EFCAB6: variants seen among roughly 807,000 people sequenced by gnomAD.
EFCAB6 encodes EF-hand calcium-binding domain-containing protein 6.
A neutral mutation model predicts 169.8 loss-of-function variants in EFCAB6; 156 were observed. The observed-to-expected ratio is 0.92, with a 90% CI of 0.81 to 1.05. The LOEUF (loss-of-function observed/expected upper bound fraction) is 1.05, where lower values mean the gene tolerates loss of function less well. Ranked by LOEUF, EFCAB6 falls within the 50% of genes least tolerant of loss-of-function variation. The probability of loss-of-function intolerance (pLI) is 0.00; values close to 1 mark genes in which losing one functional copy is unlikely to be tolerated. For missense variants in EFCAB6, 1,800 were observed against 1,829.1 expected (o/e 0.98, Z 0.29); for synonymous variants, 698 against 676.4 (o/e 1.03, Z -0.50).
chr22:43,538,376 G>A (rs958771663), intron 28 of EFCAB6, among the ~76,000 whole-genome samples: 3 of 152,088 alleles, frequency 2.0e-5, no homozygotes, highest in Middle Eastern at 3.4e-3. Context: ...CATCCAGAGT[G>A]TTTTTTGTTT....
intron 8 of EFCAB6, among the ~76,000 whole-genome samples, chr22:43,730,243 GAAGGAGGGAAGGAGGA>G: frequency 1.1e-5 from 1 of 94,372 alleles, no homozygotes; most frequent in South Asian, 4.6e-4. Context: ...GGGAAGGATG[GAAGGAGGGAAGGAGGA>G]AAGGGAGCGA....
At chr22:43,778,084 A>G (rs559127146) in intron 3 of EFCAB6, among the ~76,000 whole-genome samples, 1 of 152,240 alleles carries the variant, frequency 6.6e-6, no homozygotes, top group African/African-American at 2.4e-5. Context: ...ACAATTCAGG[A>G]AAGGACAAGC....
At chr22:43,607,988 G>A (rs559077310) in intron 22 of EFCAB6, among the ~76,000 whole-genome samples, 7 of 152,226 alleles carry the variant, frequency 4.6e-5, no homozygotes, top group South Asian at 4.2e-4. Flanking sequence ...AGAGACCCTC[G>A]GGAAGCTACT....
chr22:43,773,370 G>A (rs2061539894), intron 3 of EFCAB6, among the ~76,000 whole-genome samples: 2 of 152,184 alleles, frequency 1.3e-5, no homozygotes, highest in African/African-American at 4.8e-5. Context: ...ACATAGGTCA[G>A]TACAAGTGAA....
At chr22:43,645,458 C>T (rs980208286) in intron 17 of EFCAB6, among the ~76,000 whole-genome samples, 1 of 152,204 alleles carries the variant, frequency 6.6e-6, no homozygotes, top group Non-Finnish European at 1.5e-5. Context: ...TGGACCACTA[C>T]TGTGTGTTGC....
intron 23 of EFCAB6, among the ~76,000 whole-genome samples, chr22:43,591,459 A>T (rs899138478): frequency 9.0e-5 from 10 of 110,768 alleles, no homozygotes; most frequent in African/African-American, 1.9e-4. Context: ...TCTGTCTTAT[A>T]AAAAAAAAAA....
chr22:43,584,073 A>C (rs935399982), intron 24 of EFCAB6, among the ~76,000 whole-genome samples: 1 of 152,230 alleles, frequency 6.6e-6, no homozygotes, highest in Admixed American at 6.5e-5. Context: ...TTCAAGTTTT[A>C]GAATCAACCT....
At position 43,591,115 on chromosome 22, in the gene EFCAB6, T is replaced by G. The variant is rs545929099; in HGVS notation, c.2877-886A>C. Among the ~76,000 whole-genome samples, 1,288 of 130,324 alleles carry G rather than the reference T, an allele frequency of 9.9e-3. 10 individuals carry two copies. Among genetic ancestry groups the G allele is most frequent in the Middle Eastern group, 0.025 (6 of 236 alleles). The allele number at this position is 130,324 out of a possible 152,430, so 85.5% of individuals were successfully genotyped here. The stretch of plus-strand genomic sequence containing the variant: ...TGTTGTTGTTTTTTGTTTTTTGTTT[T>G]TTTTTTTTGTTTTTTTTTTGTTTTT... On this transcript the variant is annotated intron_variant, in intron 23 of 31. Transcript: ENST00000262726.
At chr22:43,608,243 A>T (rs1003833387) in intron 22 of EFCAB6, among the ~76,000 whole-genome samples, 1 of 152,158 alleles carries the variant, frequency 6.6e-6, no homozygotes, top group Admixed American at 6.5e-5. Flanking sequence ...TCTGGTATGG[A>T]TGAGCATTTA....
intron 9 of EFCAB6, 60 bp from the exon 10 acceptor site, chr22:43,711,683 A>G: frequency 6.5e-7 from 1 of 1,543,846 alleles, no homozygotes; most frequent in Non-Finnish European, 8.6e-7. Context: ...GGAGCTATTC[A>G]ACCATTTTAT....
chr22:43,742,878 TC>T (rs965555794), intron 6 of EFCAB6, among the ~76,000 whole-genome samples: 3 of 152,294 alleles, frequency 2.0e-5, no homozygotes, highest in Admixed American at 6.5e-5. Context: ...TGCTTGGACC[TC>T]GGCATGATGG....
At chr22:43,773,242 G>A (rs1189261994) in intron 3 of EFCAB6, 139 bp from the exon 4 acceptor site, 10 of 794,788 alleles carry the variant, frequency 1.3e-5, no homozygotes, top group Admixed American at 5.7e-5. Flanking sequence ...GTGTATCACC[G>A]TTAGATGACT....
intron 22 of EFCAB6, among the ~76,000 whole-genome samples, chr22:43,601,038 AAAG>A (rs2052483724): frequency 6.6e-6 from 1 of 152,248 alleles, no homozygotes; most frequent in East Asian, 1.9e-4. Context: ...AATTCTTCAA[AAAG>A]CATATTCAAT....
chr22:43,583,797 T>G (rs901883265), intron 24 of EFCAB6, among the ~76,000 whole-genome samples: 1 of 152,208 alleles, frequency 6.6e-6, no homozygotes, highest in Admixed American at 6.5e-5. Context: ...ACCTCAATTC[T>G]GAACTTCCTA....
chr22:43,594,053 A>T (rs2147450822), intron 23 of EFCAB6, among the ~76,000 whole-genome samples: 1 of 152,226 alleles, frequency 6.6e-6, no homozygotes, highest in East Asian at 1.9e-4. Flanking sequence ...AGGTGGGCGG[A>T]TCACCTGAGG....
intron 21 of EFCAB6, among the ~76,000 whole-genome samples, chr22:43,612,440 C>T (rs2053380640): frequency 6.6e-6 from 1 of 152,062 alleles, no homozygotes; most frequent in Non-Finnish European, 1.5e-5. Context: ...CTTAAACAAC[C>T]CCATTGAAAA....
At position 43,576,423 on chromosome 22, in the gene EFCAB6, A is replaced by C. The variant is rs771923627; in HGVS notation, c.3294T>G (p.Leu1098=). The change falls in exon 26 of 32, where the codon CTT becomes CTG. Residue 1098 remains leucine, a synonymous_variant. Transcript: ENST00000262726. ...CCGTTAGTTTGTAACAGAAATCCTT[A>C]AGAACTTGTCCGAATTCTGTAGCCT... ...FVKATEFGQV[L]KDFCYKLTDN... is the part of the protein sequence containing the mutation. The C allele has an allele frequency of 1.9e-6, 3 of 1,604,844 alleles. No homozygotes were observed. The highest frequency in any genetic ancestry group is 1.1e-5 in the South Asian group (1 of 88,466).
At chr22:43,570,843 G>C (rs1198937246) in intron 26 of EFCAB6, among the ~76,000 whole-genome samples, 1 of 152,180 alleles carries the variant, frequency 6.6e-6, no homozygotes, top group Non-Finnish European at 1.5e-5. Flanking sequence ...TGGTTCTCAA[G>C]CCCAGGACAG....
chr22:43,784,438 G>A (rs2061936520), intron 2 of EFCAB6, among the ~76,000 whole-genome samples: 2 of 147,398 alleles, frequency 1.4e-5, no homozygotes, highest in Non-Finnish European at 3.0e-5. Context: ...ACTGCTTGAG[G>A]CCAGGAGATC....
Sources: allele counts gnomAD v4.1 joint callset (sites outside exome capture counted in the v4.1 genomes callset), GRCh38; gene constraint gnomAD v4.1.1; transcripts MANE v1.5; gene names NCBI Gene and HGNC (gene_info 2026-07-23, HGNC 2026-07-21).